The following MEIS1 variants were observed in gnomAD, a reference collection of about 807,000 sequenced individuals.
MEIS1 encodes the protein homeobox protein Meis1.
A neutral mutation model predicts 50.8 loss-of-function variants in MEIS1; 5 were observed. The ratio of observed to expected loss-of-function variants is 0.10; its 90% CI spans 0.05 to 0.21. The LOEUF (loss-of-function observed/expected upper bound fraction) is 0.21. MEIS1 is among the 10% of genes least tolerant of loss of function. MEIS1 has a pLI of 1.00. For missense variants in MEIS1, 318 were observed against 517.3 expected (o/e 0.61, Z 3.74); for synonymous variants, 176 against 179.3 (o/e 0.98, Z 0.15).
intron 7 of MEIS1, 120 bp from the exon 8 acceptor site, chr2:66,512,029 C>T: frequency 1.7e-6 from 2 of 1,175,924 alleles, no homozygotes; most frequent in South Asian, 2.3e-5. Context: ...AAAACAGTAC[C>T]AAAGAAACTA....
chr2:66,537,558 TTC>T (rs1241178558), intron 8 of MEIS1, among the ~76,000 whole-genome samples: 1 of 152,190 alleles, frequency 6.6e-6, no homozygotes, highest in African/African-American at 2.4e-5. Flanking sequence ...CTCTATCTTT[TTC>T]TCTCTCAAAA....
intron 7 of MEIS1, among the ~76,000 whole-genome samples, chr2:66,510,831 A>G (rs1673810788): frequency 6.6e-6 from 1 of 152,218 alleles, no homozygotes; most frequent in Non-Finnish European, 1.5e-5. Context: ...ATTGAACTAG[A>G]GAATTATTTT....
intron 7 of MEIS1, among the ~76,000 whole-genome samples, chr2:66,493,240 T>G (rs1036874437): frequency 6.6e-6 from 1 of 152,316 alleles, no homozygotes; most frequent in East Asian, 1.9e-4. Flanking sequence ...AGGCATAAAT[T>G]GGAACTAAAT....
rs368977655 is a variant in MEIS1 at position 66,530,294 on chromosome 2, G to T, written c.889-17649G>T. Reference sequence around the variant, plus strand: ...CACTAGATACCACACTGTGACCAAGGACTGGCTAGACTTTTAACAGGCACA... The same window carrying T: ...CACTAGATACCACACTGTGACCAAGTACTGGCTAGACTTTTAACAGGCACA... On this transcript the variant is annotated intron_variant, in intron 8 of 12. Coordinates refer to ENST00000272369, the MANE Select transcript of MEIS1 (RefSeq NM_002398.3). 2.0e-4 allele frequency among the ~76,000 whole-genome samples: 31 copies of T among 152,168 alleles called. No individual in the cohort carries two copies. The South Asian group carries it at 6.4e-3, about 32-fold the overall frequency.
intron 4 of MEIS1, 45 bp from the exon 5 acceptor site, chr2:66,441,369 C>T: frequency 6.6e-7 from 1 of 1,516,208 alleles, no homozygotes; most frequent in Non-Finnish European, 8.8e-7. Flanking sequence ...AGCCAGTTTT[C>T]TGCAAGCCAG....
chr2:66,457,561 G>A (rs1672420994), intron 6 of MEIS1, among the ~76,000 whole-genome samples: 1 of 152,128 alleles, frequency 6.6e-6, no homozygotes, highest in Non-Finnish European at 1.5e-5. Flanking sequence ...CCTTTCCTCA[G>A]ATGGTATCAT....
intron 9 of MEIS1, among the ~76,000 whole-genome samples, chr2:66,549,227 A>C (rs978732429): frequency 2.6e-5 from 4 of 152,166 alleles, no homozygotes; most frequent in Non-Finnish European, 5.9e-5. Flanking sequence ...AAAGTGCACT[A>C]TCTGCAAGAC....
chr2:66,495,078 ACCTTTTTTTTTTTTTT>A (rs1441781382), intron 7 of MEIS1, among the ~76,000 whole-genome samples: 5 of 85,014 alleles, frequency 5.9e-5, no homozygotes, highest in East Asian at 3.5e-4. Context: ...CCCTCTTCTG[ACCTTTTTTTTTTTTTT>A]TTTTTTTTTT....
chr2:66,560,436 C>A (rs1424576250), intron 9 of MEIS1, among the ~76,000 whole-genome samples: 1 of 151,312 alleles, frequency 6.6e-6, no homozygotes, highest in South Asian at 2.1e-4. Flanking sequence ...AAAAACAAAA[C>A]GACAAAAACT....
At chr2:66,496,232 C>A (rs1323422375) in intron 7 of MEIS1, 1 of 152,136 alleles carries the variant, frequency 6.6e-6, no homozygotes, top group African/African-American at 2.4e-5. Flanking sequence ...CACTGAAAAC[C>A]TCTCCCCTCC....
intron 7 of MEIS1, among the ~76,000 whole-genome samples, chr2:66,510,845 A>G (rs1204773640): frequency 6.6e-6 from 1 of 152,314 alleles, no homozygotes; most frequent in East Asian, 1.9e-4. Context: ...TTATTTTTTT[A>G]TGTAGGACCT....
chr2:66,501,726 A>G (rs995490030), intron 7 of MEIS1, among the ~76,000 whole-genome samples: 4 of 152,120 alleles, frequency 2.6e-5, no homozygotes, highest in Admixed American at 1.3e-4. Context: ...CTTTACTTCT[A>G]TGAACACTTA....
At chr2:66,500,754 C>G (rs1013274697) in intron 7 of MEIS1, among the ~76,000 whole-genome samples, 1 of 152,126 alleles carries the variant, frequency 6.6e-6, no homozygotes, top group Non-Finnish European at 1.5e-5. Context: ...TCCTGCTTTT[C>G]AAGTGTATTT....
intron 7 of MEIS1, among the ~76,000 whole-genome samples, chr2:66,492,513 C>T (rs892699293): frequency 1.4e-4 from 22 of 152,144 alleles, no homozygotes; most frequent in African/African-American, 4.8e-4. Flanking sequence ...AAACTGCCTC[C>T]TGGGCAACTA....
chr2:66,561,709 G>A (rs1675216596), intron 9 of MEIS1, among the ~76,000 whole-genome samples: 3 of 152,204 alleles, frequency 2.0e-5, no homozygotes, highest in Admixed American at 1.3e-4. Flanking sequence ...TAGTTGATTA[G>A]CTTCTTAGGT....
At chr2:66,529,145 C>T (rs1674328282) in intron 8 of MEIS1, among the ~76,000 whole-genome samples, 1 of 152,104 alleles carries the variant, frequency 6.6e-6, no homozygotes, top group Non-Finnish European at 1.5e-5. Flanking sequence ...GTGGCCCCTG[C>T]CCCCAGGTCC....
At chr2:66,510,533 T>G (rs965799436) in intron 7 of MEIS1, among the ~76,000 whole-genome samples, 2 of 152,200 alleles carry the variant, frequency 1.3e-5, no homozygotes, top group Non-Finnish European at 2.9e-5. Context: ...ATAATAAAAT[T>G]ACAGATTTTT....
At chr2:66,447,502 T>C (rs1267302105) in intron 6 of MEIS1, among the ~76,000 whole-genome samples, 1 of 152,212 alleles carries the variant, frequency 6.6e-6, no homozygotes, top group African/African-American at 2.4e-5. Flanking sequence ...TAATAAGGTG[T>C]TGACTGCTTG....
intron 6 of MEIS1, chr2:66,462,017 T>A (rs1672531798): frequency 2.7e-6 from 1 of 364,288 alleles, no homozygotes; most frequent in Non-Finnish European, 5.6e-6. Flanking sequence ...TTAATCTACA[T>A]CCTGCACAGT....
Sources: allele counts gnomAD v4.1 joint callset (sites outside exome capture counted in the v4.1 genomes callset), GRCh38; gene constraint gnomAD v4.1.1; transcripts MANE v1.5; gene names NCBI Gene and HGNC (gene_info 2026-07-23, HGNC 2026-07-21).